The following EGF variants were observed in gnomAD, a reference collection of about 807,000 sequenced individuals.
EGF encodes the protein epidermal growth factor.
Under a neutral mutation model 143.8 loss-of-function variants are expected in EGF, and 95 were observed. The ratio of observed to expected loss-of-function variants is 0.66; its 90% confidence interval spans 0.56 to 0.78. The LOEUF is 0.78. EGF is among the 30% of genes least tolerant of loss of function. The pLI, the probability that EGF is intolerant of heterozygous loss-of-function variation, is 0.00. For synonymous variants in EGF, 510 were observed against 510.5 expected (o/e 1.00, Z 0.01); for missense variants, 1,320 against 1,470.9 (o/e 0.90, Z 1.68).
In EGF at chr4:109,943,994, G is replaced by A. The variant is rs144437729; in HGVS notation, c.662G>A (p.Arg221Lys). ...CGGCTGTTTTGGATTCAGTACAACA[G>A]AGAAGGAAGCAATTCTCTTATTTGC... ...DKRLFWIQYN[R>K]EGSNSLICSC... The change falls in exon 4 of 24, where the codon AGA becomes AAA. Residue 221 changes from arginine (R) to lysine (K), a missense_variant. Coordinates refer to ENST00000265171, the MANE Select transcript of EGF (RefSeq NM_001963.6). The A allele has an allele frequency of 6.2e-7, 1 of 1,614,226 alleles. No homozygotes were observed. The highest frequency in any genetic ancestry group is 8.5e-7 in the Non-Finnish European group (1 of 1,180,042).
At position 109,988,694 on chromosome 4, in the gene EGF, G is replaced by A. The variant is rs775817356; in HGVS notation, c.2719G>A (p.Gly907Arg). The change falls in exon 18 of 24, where the codon GGG becomes AGG. Residue 907 changes from glycine to arginine, a missense_variant. Gly to Arg is a moderately radical substitution (Grantham distance 125). Coordinates refer to ENST00000265171, the MANE Select transcript of EGF (RefSeq NM_001963.6). ...GTGCTCAGAAGGCTACCAAGGAGAT[G>A]GGATTCACTGTCTTGGTAAGAGGAC... ...CRCSEGYQGDGIHCLDIDECQ... is the reference protein window; with the variant it reads ...CRCSEGYQGDRIHCLDIDECQ... 1 of 1,613,992 alleles carries A rather than the reference G, an allele frequency of 6.2e-7. No homozygotes were observed. Among genetic ancestry groups the A allele is most frequent in the African/African-American group, 1.3e-5 (1 of 75,040 alleles).
At chr4:110,005,182 A>C (rs1188685294) in intron 22 of EGF, among the ~76,000 whole-genome samples, 3 of 150,582 alleles carry the variant, frequency 2.0e-5, no homozygotes, top group Admixed American at 1.3e-4. Flanking sequence ...AATAGCTGGG[A>C]CTACCGGCAC....
chr4:110,002,699 A>C (rs1752725469), intron 21 of EGF, among the ~76,000 whole-genome samples: 1 of 151,776 alleles, frequency 6.6e-6, no homozygotes, highest in African/African-American at 2.4e-5. Flanking sequence ...GTATATGTAA[A>C]GGTTTGTTAC....
Position 109,940,127 on chromosome 4 carries a change from AT to A in EGF, c.128-817del, listed in dbSNP as rs376231926. ...TCAGGTTCCCAAGTAGATATTGAAT[AT>A]TGGGGCATCAGAGTTGGTAGGTGGC... On this transcript the variant is annotated intron_variant, in intron 1 of 23. Coordinates refer to ENST00000265171, the MANE Select transcript of EGF (RefSeq NM_001963.6). Among the ~76,000 whole-genome samples the A allele has an allele frequency of 1.3e-3, 194 of 152,310 alleles. 1 individual carries two copies. Among genetic ancestry groups the A allele is most frequent in the African/African-American group, 4.5e-3 (187 of 41,572 alleles).
intron 12 of EGF, among the ~76,000 whole-genome samples, chr4:109,975,217 G>A (rs1016115779): frequency 9.9e-5 from 15 of 152,132 alleles, no homozygotes; most frequent in African/African-American, 3.4e-4. Context: ...ACTGTGAAAG[G>A]TTAGAAGACT....
At chr4:109,943,492 T>C in intron 3 of EGF, 57 bp downstream of exon 3, 1 of 1,567,174 alleles carries the variant, frequency 6.4e-7, no homozygotes, top group Non-Finnish European at 8.8e-7. Context: ...TGAAGATTGA[T>C]AGAATTATAA....
At chr4:109,960,810 C>T in intron 6 of EGF, 57 bp from the exon 7 acceptor site, 1 of 1,607,666 alleles carries the variant, frequency 6.2e-7, no homozygotes, top group East Asian at 2.2e-5. Context: ...TTAGTGATAG[C>T]ACAATTTATT....
intron 5 of EGF, among the ~76,000 whole-genome samples, chr4:109,949,371 A>G (rs2126024687): frequency 6.6e-6 from 1 of 152,246 alleles, no homozygotes; most frequent in East Asian, 1.9e-4. Context: ...CTGGCCTCAA[A>G]ACTCTAGTTC....
Position 109,980,069 on chromosome 4 carries a change from T to C in EGF, c.2151T>C (p.Asp717=), listed in dbSNP as rs1749107780. ...VMRVNKRTGK[D]RVRLQGSMLK... ...GAGTAAACAAGAGGACTGGCAAAGA[T>C]AGAGTACGTCTCCAAGGCAGCATGC... Residue 717 remains aspartate (D), a synonymous_variant, in exon 14 of 24, where the codon GAT becomes GAC. Transcript: ENST00000265171. 6.2e-7 allele frequency: 1 copy of C among 1,614,040 alleles called. No individual in the cohort carries two copies. The highest frequency in any genetic ancestry group is 8.5e-7 in the Non-Finnish European group (1 of 1,179,914).
At chr4:109,924,694 G>T (rs930996099) in intron 1 of EGF, among the ~76,000 whole-genome samples, 12 of 152,246 alleles carry the variant, frequency 7.9e-5, no homozygotes, top group African/African-American at 2.6e-4. Flanking sequence ...ACTAAAGATT[G>T]CAGACAACAC....
Position 110,013,054 on chromosome 4 carries a change from A to T in EGF, c.*1599A>T, listed in dbSNP as rs1021889979. On this transcript the variant is annotated 3_prime_UTR_variant, in exon 24 of 24. Coordinates refer to ENST00000265171, the MANE Select transcript of EGF (RefSeq NM_001963.6). ...GTTTGTGGATATTAGTTAATTATTCAGTATGATACCTCACCCAGCTAATTT... is the reference window on the plus strand; with the variant it reads ...GTTTGTGGATATTAGTTAATTATTCTGTATGATACCTCACCCAGCTAATTT... Among the ~76,000 whole-genome samples the T allele has an allele frequency of 6.6e-6, 1 of 152,210 alleles. No individual in the cohort carries two copies. Among genetic ancestry groups the T allele is most frequent in the Non-Finnish European group, 1.5e-5 (1 of 68,026 alleles).
intron 4 of EGF, 83 bp from the exon 5 acceptor site, chr4:109,944,990 A>G (rs1742586080): frequency 2.8e-6 from 4 of 1,439,252 alleles, no homozygotes; most frequent in Non-Finnish European, 3.8e-6. Context: ...AAACTTAGAC[A>G]ATAAATTGAA....
At chr4:109,995,232 A>G (rs1476630037) in intron 20 of EGF, among the ~76,000 whole-genome samples, 1 of 152,100 alleles carries the variant, frequency 6.6e-6, no homozygotes. Flanking sequence ...TTTTCCATCA[A>G]ATGTGCTTTA....
Position 110,011,287 on chromosome 4 carries a change from T to TG in EGF, c.3457dup (p.Asp1153GlyfsTer2). 6.2e-7 allele frequency: 1 copy of TG among 1,614,140 alleles called. No homozygotes were observed. The highest frequency in any genetic ancestry group is 8.5e-7 in the Non-Finnish European group (1 of 1,180,012). On this transcript the variant is annotated frameshift_variant, in exon 24 of 24. Transcript: ENST00000265171. LOFTEE classifies it low-confidence loss of function (END_TRUNC). ...AAGGCTGCTGGATTCCAGTATCCAG[T>TG]GATAAGGGCTCCTGTCCCCAGGTAA... is the stretch of plus-strand genomic sequence containing the variant.
intron 16 of EGF, among the ~76,000 whole-genome samples, chr4:109,987,017 G>A (rs1007032654): frequency 5.3e-5 from 8 of 152,098 alleles, no homozygotes; most frequent in African/African-American, 1.9e-4. Context: ...CCATGTTGGT[G>A]CACAGATCTA....
chr4:109,979,938 G>A, intron 13 of EGF, 34 bp from the exon 14 acceptor site: 1 of 1,612,690 alleles, frequency 6.2e-7, no homozygotes, highest in Non-Finnish European at 8.5e-7. Flanking sequence ...CAAAGACAAA[G>A]AAGGTGTATT....
intron 5 of EGF, among the ~76,000 whole-genome samples, chr4:109,955,140 C>T (rs1048624885): frequency 6.6e-6 from 1 of 152,106 alleles, no homozygotes; most frequent in Non-Finnish European, 1.5e-5. Flanking sequence ...AACGGAATCC[C>T]AAGTGCATTG....
chr4:109,939,683 C>A (rs544541656), intron 1 of EGF, among the ~76,000 whole-genome samples: 1 of 152,158 alleles, frequency 6.6e-6, no homozygotes, highest in East Asian at 1.9e-4. Context: ...AAGCGCCAAC[C>A]CTCTTGTAGC....
At chr4:109,966,783 T>C (rs1463000489) in intron 10 of EGF, among the ~76,000 whole-genome samples, 3 of 152,206 alleles carry the variant, frequency 2.0e-5, no homozygotes, top group Non-Finnish European at 4.4e-5. Context: ...TTCATTTCTC[T>C]GATGACTAGT....
Sources: gnomAD v4.1 joint callset for allele counts (sites outside exome capture counted in the v4.1 genomes callset) on GRCh38, gnomAD v4.1.1 for gene constraint, MANE v1.5 for transcripts, NCBI Gene and HGNC (gene_info 2026-07-23, HGNC 2026-07-21) for gene names.